The following MTFP1 variants were observed in gnomAD, a reference collection of about 807,000 sequenced individuals.
MTFP1 encodes mitochondrial fission process protein 1.
Under a neutral mutation model 17.1 loss-of-function variants are expected in MTFP1, and 19 were observed. The observed-to-expected ratio is 1.11, with a 90% CI of 0.77 to 1.63. The LOEUF is 1.63. Among genes scored for constraint, MTFP1 ranks in the 40% most tolerant of loss-of-function variants. The pLI is 0.00. For missense variants in MTFP1, 221 were observed against 226.2 expected (o/e 0.98, Z 0.15); for synonymous variants, 89 against 95.2 (o/e 0.93, Z 0.38).
Position 30,425,823 on chromosome 22 carries a change from G to C in MTFP1, c.-57G>C, listed in dbSNP as rs1002315552. ...CCGGGCAGACCCAAGTGCCGGCGGCGGAGACTGCAGTGGAGCCAGTACCGG... is the reference window on the plus strand; with the variant it reads ...CCGGGCAGACCCAAGTGCCGGCGGCCGAGACTGCAGTGGAGCCAGTACCGG... On this transcript the variant is annotated 5_prime_UTR_variant, in exon 1 of 4. Coordinates refer to ENST00000266263, the MANE Select transcript of MTFP1 (RefSeq NM_016498.5). 4 of 1,479,920 alleles carry C rather than the reference G, an allele frequency of 2.7e-6. No individual in the cohort carries two copies. Among genetic ancestry groups the C allele is most frequent in the Middle Eastern group, 4.7e-4 (2 of 4,296 alleles). The allele number at this position is 1,479,920 out of a possible 1,614,324, so 91.7% of individuals were successfully genotyped here. A position where few individuals can be genotyped will look rare whatever the true frequency, so the allele number is the denominator to read the frequency against.
chr22:30,426,597 C>A, intron 1 of MTFP1, 120 bp from the exon 2 acceptor site: 1 of 1,342,216 alleles, frequency 7.5e-7, no homozygotes, highest in South Asian at 1.4e-5. Flanking sequence ...TCAGAGAGGT[C>A]AAGTCACTTG....
At chr22:30,426,867 A>G (rs1569216770) in intron 2 of MTFP1, 23 bp downstream of exon 2, 1 of 1,604,022 alleles carries the variant, frequency 6.2e-7, no homozygotes, top group South Asian at 1.1e-5. Flanking sequence ...CTATTTTCCA[A>G]CCCCCAACCC....
chr22:30,425,799 C>A lies in MTFP1; in HGVS notation c.-81C>A. The stretch of plus-strand genomic sequence containing the variant: ...CGCGGGACTTTCGGCGGGTCCCGGC[C>A]GGGCAGACCCAAGTGCCGGCGGCGG... On this transcript the variant is annotated 5_prime_UTR_variant, in exon 1 of 4. Transcript: ENST00000266263. 2 of 1,394,170 alleles carry A rather than the reference C, an allele frequency of 1.4e-6. No individual in the cohort carries two copies. Among genetic ancestry groups the A allele is most frequent in the South Asian group, 1.4e-5 (1 of 70,680 alleles). The allele number at this position is 1,394,170 out of a possible 1,614,324, so 86.4% of individuals were successfully genotyped here. A position where few individuals can be genotyped will look rare whatever the true frequency, so the allele number is the denominator to read the frequency against.
At chr22:30,427,897 CT>C (rs1481926985) in intron 3 of MTFP1, among the ~76,000 whole-genome samples, 1 of 152,196 alleles carries the variant, frequency 6.6e-6, no homozygotes, top group Non-Finnish European at 1.5e-5. Context: ...CCACCCCACC[CT>C]ATTTCTTGCT....
Position 30,429,041 on chromosome 22 carries a change from A to C in MTFP1, c.*507A>C. On this transcript the variant is annotated 3_prime_UTR_variant, in exon 4 of 4. Coordinates refer to ENST00000266263, the MANE Select transcript of MTFP1 (RefSeq NM_016498.5). Reference sequence around the variant, plus strand: ...GCCAGGCCCTTCCCTGACCCAATAAATCCTGAAGAGGTTGTTATGTCTTCA... The same window carrying C: ...GCCAGGCCCTTCCCTGACCCAATAACTCCTGAAGAGGTTGTTATGTCTTCA... The C allele has an allele frequency of 2.0e-5, 5 of 244,408 alleles. No homozygotes were observed. Among genetic ancestry groups the C allele is most frequent in the Non-Finnish European group, 3.2e-5 (4 of 123,336 alleles). 15.1% of individuals were successfully genotyped at this position (244,408 alleles called of 1,614,324 possible). A position where few individuals can be genotyped will look rare whatever the true frequency, so the allele number is the denominator to read the frequency against.
In MTFP1 at chr22:30,425,820, G is replaced by T; in HGVS notation, c.-60G>T. 1 of 1,474,346 alleles carries T rather than the reference G, an allele frequency of 6.8e-7. No homozygotes were observed. Among genetic ancestry groups the T allele is most frequent in the Non-Finnish European group, 9.0e-7 (1 of 1,107,806 alleles). 91.3% of individuals were successfully genotyped at this position (1,474,346 alleles called of 1,614,324 possible). A position where few individuals can be genotyped will look rare whatever the true frequency, so the allele number is the denominator to read the frequency against. ...CGGCCGGGCAGACCCAAGTGCCGGC[G>T]GCGGAGACTGCAGTGGAGCCAGTAC... On this transcript the variant is annotated 5_prime_UTR_variant, in exon 1 of 4. Transcript: ENST00000266263.
rs369745248 is a variant in MTFP1 at position 30,428,494 on chromosome 22, G to A, written c.461G>A (p.Arg154His). 17 of 1,613,934 alleles carry A rather than the reference G, an allele frequency of 1.1e-5. No individual in the cohort carries two copies. In the African/African-American group the frequency reaches 1.7e-4, roughly 16 times the overall value. ...SVDFLLDSSL[R>H]KLYPTVGKPS... The stretch of plus-strand genomic sequence containing the variant: ...GATTTCCTCCTGGACTCCAGCCTGC[G>A]CAAGCTCTACCCAACAGTGGGGAAG... The change falls in exon 4 of 4, where the codon CGC becomes CAC. Residue 154 changes from arginine (R) to histidine (H), a missense_variant. Arg to His is a conservative substitution (Grantham distance 29). Transcript: ENST00000266263.
rs1357465047 is a variant in MTFP1 at position 30,428,859 on chromosome 22, G to A, written c.*325G>A. 1 of 614,070 alleles carries A rather than the reference G, an allele frequency of 1.6e-6. No homozygotes were observed. The highest frequency in any genetic ancestry group is 2.8e-5 in the East Asian group (1 of 35,316). The allele number at this position is 614,070 out of a possible 1,614,324, so 38.0% of individuals were successfully genotyped here. ...AGAGACTGAGGCTCAGGGAGGGCAA[G>A]GAATAGGCCCAAGATCACTTGGCAA... On this transcript the variant is annotated 3_prime_UTR_variant, in exon 4 of 4. Coordinates refer to ENST00000266263, the MANE Select transcript of MTFP1 (RefSeq NM_016498.5).
intron 1 of MTFP1, 137 bp from the exon 2 acceptor site, chr22:30,426,580 G>A: frequency 8.6e-7 from 1 of 1,167,654 alleles, no homozygotes; most frequent in African/African-American, 1.5e-5. Context: ...ATCTCGGAAA[G>A]GGAGGCTCAG....
intron 1 of MTFP1, 135 bp downstream of exon 1, chr22:30,426,081 G>T: frequency 1.1e-6 from 1 of 908,736 alleles, no homozygotes; most frequent in South Asian, 1.9e-5. Flanking sequence ...CGGAGACTGG[G>T]CTCAGACAGG....
chr22:30,427,518 G>T, intron 3 of MTFP1, 115 bp downstream of exon 3: 1 of 1,134,008 alleles, frequency 8.8e-7, no homozygotes, highest in South Asian at 1.4e-5. Flanking sequence ...CTTTGCTGGA[G>T]CAATAGCAGG....
intron 1 of MTFP1, 138 bp downstream of exon 1, chr22:30,426,084 C>A (rs1377425130): frequency 5.6e-6 from 5 of 897,688 alleles, no homozygotes; most frequent in Admixed American, 6.8e-5. Flanking sequence ...AGACTGGGCT[C>A]AGACAGGGCT....
chr22:30,426,780 G>T lies in MTFP1; in HGVS notation c.131G>T (p.Ser44Ile), dbSNP rs1208406740. The T allele has an allele frequency of 1.2e-6, 2 of 1,613,896 alleles. No homozygotes were observed. The highest frequency in any genetic ancestry group is 2.2e-5 in the South Asian group (2 of 91,092). The change falls in exon 2 of 4, where the codon AGC becomes ATC. Residue 44 changes from serine (S) to isoleucine (I), a missense_variant. Physicochemically the swap from Ser to Ile is moderately radical, Grantham distance 142. Coordinates refer to ENST00000266263, the MANE Select transcript of MTFP1 (RefSeq NM_016498.5). ...SLVPAAVVWLSYGVASSYVLA... is the reference protein window; with the variant it reads ...SLVPAAVVWLIYGVASSYVLA... Reference sequence around the variant, plus strand: ...GTGCCAGCGGCGGTGGTGTGGCTGAGCTATGGCGTGGCCAGCTCCTACGTG... The same window carrying T: ...GTGCCAGCGGCGGTGGTGTGGCTGATCTATGGCGTGGCCAGCTCCTACGTG...
intron 2 of MTFP1, 96 bp from the exon 3 acceptor site, chr22:30,427,063 GCGGACAAGTCCA>G: frequency 7.2e-7 from 1 of 1,394,026 alleles, no homozygotes; most frequent in Non-Finnish European, 1.0e-6. Flanking sequence ...ACTCCTGGGT[GCGGACAAGTCCA>G]CTGGCCACTT....
Position 30,427,260 on chromosome 22 carries a change from TC to T in MTFP1, c.287del (p.Pro96ArgfsTer37), listed in dbSNP as rs748466581. 4 of 1,614,054 alleles carry T rather than the reference TC, an allele frequency of 2.5e-6. No homozygotes were observed. The highest frequency in any genetic ancestry group is 3.4e-6 in the Non-Finnish European group (4 of 1,180,034). On this transcript the variant is annotated frameshift_variant, in exon 3 of 4. Coordinates refer to ENST00000266263, the MANE Select transcript of MTFP1 (RefSeq NM_016498.5). LOFTEE classifies it high-confidence loss of function. ...GGCAGGCTCTAGCCTCTGTGGCCAT[TC>T]CGGGCTTCACCATCAACCGCGTGTG... ...VWQALASVAI[P>X]GFTINRVCAA...
intron 3 of MTFP1, 110 bp downstream of exon 3, chr22:30,427,513 C>T: frequency 8.4e-7 from 1 of 1,190,640 alleles, no homozygotes; most frequent in Non-Finnish European, 1.2e-6. Context: ...GCCCACTTTG[C>T]TGGAGCAATA....
rs2146059296 is a variant in MTFP1, at chr22:30,428,449, C to T, written c.429-13C>T. 6.2e-7 allele frequency: 1 copy of T among 1,612,942 alleles called. No homozygotes were observed. The highest frequency in any genetic ancestry group is 2.2e-5 in the East Asian group (1 of 44,858). On this transcript the variant is annotated splice_polypyrimidine_tract_variant and intron_variant, in intron 3 of 3. Coordinates refer to ENST00000266263, the MANE Select transcript of MTFP1 (RefSeq NM_016498.5). ...CCTTGGTCACCTGCTCACCACCCTTCCACTCCCTACAGGTCGGTGGATTTC... is the reference window on the plus strand; with the variant it reads ...CCTTGGTCACCTGCTCACCACCCTTTCACTCCCTACAGGTCGGTGGATTTC...
Position 30,426,830 on chromosome 22 carries a change from A to C in MTFP1, c.181A>C (p.Lys61Gln). The C allele has an allele frequency of 6.2e-7, 1 of 1,611,978 alleles. No homozygotes were observed. Among genetic ancestry groups the C allele is most frequent in the Non-Finnish European group, 8.5e-7 (1 of 1,179,984 alleles). ...YVLADAIDKG[K>Q]KAGEVPSPEA... Reference sequence around the variant, plus strand: ...GCTGGCGGATGCCATTGACAAAGGCAAGAAGGCTGGAGAGGTGAGTGTTAG... The same window carrying C: ...GCTGGCGGATGCCATTGACAAAGGCCAGAAGGCTGGAGAGGTGAGTGTTAG... The change falls in exon 2 of 4, where the codon AAG becomes CAG. Residue 61 changes from lysine (K) to glutamine (Q), a missense_variant. Physicochemically the swap from Lys to Gln is moderately conservative, Grantham distance 53. Coordinates refer to ENST00000266263, the MANE Select transcript of MTFP1 (RefSeq NM_016498.5).
In MTFP1 at chr22:30,425,902, G is replaced by A. The variant is rs1569216366; in HGVS notation, c.23G>A (p.Gly8Asp). 1 of 1,533,642 alleles carries A rather than the reference G, an allele frequency of 6.5e-7. No homozygotes were observed. The highest frequency in any genetic ancestry group is 2.6e-5 in the East Asian group (1 of 38,948). Residue 8 changes from glycine (G) to aspartate (D), a missense_variant, in exon 1 of 4, where the codon GGC becomes GAC. Gly to Asp is a moderately conservative substitution (Grantham distance 94). Transcript: ENST00000266263. Reference sequence around the variant, plus strand: ...GTCATGTCAGAGCCGCAGCCGCGGGGCGCAGAGCGCGATCTCTACCGGGAC... The same window carrying A: ...GTCATGTCAGAGCCGCAGCCGCGGGACGCAGAGCGCGATCTCTACCGGGAC... MSEPQPR[G>D]AERDLYRDTW...
Sources: gnomAD v4.1 joint callset for allele counts (sites outside exome capture counted in the v4.1 genomes callset) on GRCh38, gnomAD v4.1.1 for gene constraint, MANE v1.5 for transcripts, NCBI Gene and HGNC (gene_info 2026-07-23, HGNC 2026-07-21) for gene names.